ERG: variants seen among roughly 807,000 people sequenced by gnomAD.
ERG encodes transcriptional regulator ERG.
In ERG, 9 loss-of-function variants were observed where a neutral mutation model predicts 55.3. That is an observed-to-expected ratio of 0.16 (90% CI 0.10 to 0.28). The LOEUF is 0.28. Among genes scored for constraint, ERG ranks in the 10% least tolerant of loss-of-function variants. ERG has a pLI of 1.00. For missense variants in ERG, 434 were observed against 631.6 expected, an observed-to-expected ratio of 0.69 and a Z score of 3.35; for synonymous variants, 223 against 237.3, an observed-to-expected ratio of 0.94 and a Z score of 0.55.
chr21:38,496,260 C>A (rs2059378318), intron 1 of ERG, among the ~76,000 whole-genome samples: 1 of 152,176 alleles, frequency 6.6e-6, no homozygotes, highest in South Asian at 2.1e-4. Flanking sequence ...GCATCTGATA[C>A]CTAATCGACT....
chr21:38,613,137 A>G (rs560527930), intron 1 of ERG, among the ~76,000 whole-genome samples: 9,558 of 152,302 alleles, frequency 0.063, 953 homozygotes, highest in African/African-American at 0.22. Context: ...CCGCATAGGA[A>G]GAAGGTGTTC....
chr21:38,468,984 A>AAAAAAAAAAAAC (rs2059115301), intron 1 of ERG, among the ~76,000 whole-genome samples: 1 of 102,250 alleles, frequency 9.8e-6, no homozygotes, highest in Non-Finnish European at 2.4e-5. Context: ...CTCTGTCTCA[A>AAAAAAAAAAAAC]AAAAAAAAAA....
chr21:38,458,956 C>G (rs759193085), intron 1 of ERG, among the ~76,000 whole-genome samples: 11 of 152,162 alleles, frequency 7.2e-5, no homozygotes, highest in Non-Finnish European at 1.5e-4. Flanking sequence ...ATACTGTTGG[C>G]CACTCTCCCC....
At chr21:38,568,150 C>G (rs2059934577) in intron 2 of ERG, among the ~76,000 whole-genome samples, 1 of 152,060 alleles carries the variant, frequency 6.6e-6, no homozygotes, top group Non-Finnish European at 1.5e-5. Context: ...CAGTATCTCC[C>G]CTTCCACTGC....
At position 38,380,373 on chromosome 21, in the gene ERG, G is replaced by A. The variant is rs774380472; in HGVS notation, c.*3030C>T. Reference sequence around the variant, plus strand: ...CAGCAGTCCTGACAAAGCACTTTGTGAACCCCTCCGGGACATAAGGGCATC... The same window carrying A: ...CAGCAGTCCTGACAAAGCACTTTGTAAACCCCTCCGGGACATAAGGGCATC... On this transcript the variant is annotated 3_prime_UTR_variant, in exon 10 of 10. Transcript: ENST00000288319. 140 of 1,060,872 alleles carry A rather than the reference G, an allele frequency of 1.3e-4. No individual in the cohort carries two copies. Among genetic ancestry groups the A allele is most frequent in the Non-Finnish European group, 1.5e-4 (133 of 876,636 alleles). The allele number at this position is 1,060,872 out of a possible 1,614,324, so 65.7% of individuals were successfully genotyped here.
At chr21:38,412,061 A>C (rs1182162273) in intron 3 of ERG, among the ~76,000 whole-genome samples, 2 of 151,962 alleles carry the variant, frequency 1.3e-5, no homozygotes, top group East Asian at 3.9e-4. Flanking sequence ...TATTCTGTCA[A>C]CTCTCAATCT....
intron 2 of ERG, among the ~76,000 whole-genome samples, chr21:38,555,095 G>A (rs1333277631): frequency 1.3e-5 from 2 of 152,142 alleles, no homozygotes; most frequent in Non-Finnish European, 2.9e-5. Flanking sequence ...GGGATGCTGA[G>A]GCGGGCGGAT....
chr21:38,411,596 C>A (rs1256663328), intron 3 of ERG, among the ~76,000 whole-genome samples: 1 of 152,232 alleles, frequency 6.6e-6, no homozygotes. Flanking sequence ...GCGTGAGCCA[C>A]CATGCCCAGC....
chr21:38,371,089 T>C, the ERG span, among the ~76,000 whole-genome samples: 7 of 152,128 alleles, frequency 4.6e-5, no homozygotes, highest in African/African-American at 1.7e-4. Context: ...TTAATGTTTT[T>C]AAATGAAGGT....
intron 2 of ERG, among the ~76,000 whole-genome samples, chr21:38,551,176 T>G (rs996700434): frequency 6.6e-6 from 1 of 152,034 alleles, no homozygotes; most frequent in African/African-American, 2.4e-5. Flanking sequence ...TTTATTTCTG[T>G]GGGTTCAGTG....
intron 1 of ERG, among the ~76,000 whole-genome samples, chr21:38,483,036 G>A (rs759936397): frequency 6.6e-6 from 1 of 152,152 alleles, no homozygotes; most frequent in Non-Finnish European, 1.5e-5. Flanking sequence ...TCTGGAGGAC[G>A]TTATGCTAAG....
chr21:38,587,710 A>C (rs1262399327), upstream of ERG, among the ~76,000 whole-genome samples: 1 of 152,224 alleles, frequency 6.6e-6, no homozygotes, highest in Non-Finnish European at 1.5e-5. Flanking sequence ...GCCAATATTG[A>C]CTATTGCTTG....
intron 1 of ERG, among the ~76,000 whole-genome samples, chr21:38,583,618 G>A (rs907371662): frequency 1.5e-4 from 23 of 152,198 alleles, no homozygotes; most frequent in Admixed American, 2.6e-4. Context: ...ATGCACTGGA[G>A]TACTAACCCC....
intron 7 of ERG, 119 bp downstream of exon 7, chr21:38,392,257 A>G: frequency 2.3e-6 from 2 of 860,504 alleles, no homozygotes; most frequent in Non-Finnish European, 3.9e-6. Flanking sequence ...TCGTCAATGG[A>G]ACAAACCCAT....
At chr21:38,573,586 G>C (rs755382487) in intron 2 of ERG, among the ~76,000 whole-genome samples, 1 of 152,202 alleles carries the variant, frequency 6.6e-6, no homozygotes. Context: ...ACCTTCCCTT[G>C]AACTTAATTA....
At position 38,436,316 on chromosome 21, in the gene ERG, C is replaced by T. The variant is rs534995866; in HGVS notation, c.236+9088G>A. Among the ~76,000 whole-genome samples the T allele has an allele frequency of 4.6e-5, 7 of 152,258 alleles. No individual in the cohort carries two copies. The South Asian group carries it at 1.5e-3, about 32-fold the overall frequency. ...TAATGTAAAGGTGAGTGCAGGTGAACTGACCTGATGTGATAAAGTAAGATA... is the reference window on the plus strand; with the variant it reads ...TAATGTAAAGGTGAGTGCAGGTGAATTGACCTGATGTGATAAAGTAAGATA... On this transcript the variant is annotated intron_variant, in intron 2 of 9. Coordinates refer to ENST00000288319, the MANE Select transcript of ERG (RefSeq NM_182918.4).
At chr21:38,647,370 C>G (rs2060463493) in intron 1 of ERG, among the ~76,000 whole-genome samples, 1 of 152,164 alleles carries the variant, frequency 6.6e-6, no homozygotes, top group African/African-American at 2.4e-5. Flanking sequence ...TTAAGCCATG[C>G]ATCCTCAAGG....
chr21:38,384,925 C>T (rs969053382), intron 9 of ERG, among the ~76,000 whole-genome samples: 3 of 151,924 alleles, frequency 2.0e-5, no homozygotes, highest in Admixed American at 2.0e-4. Context: ...CAGTGCCTTG[C>T]CTGTGTGCTG....
chr21:38,393,954 T>A (rs183369965), intron 6 of ERG, among the ~76,000 whole-genome samples: 16 of 152,342 alleles, frequency 1.1e-4, no homozygotes, highest in Admixed American at 9.8e-4. Context: ...GGGTTACACA[T>A]AGGAATTATA....
Sources: gnomAD v4.1 joint callset for allele counts (sites outside exome capture counted in the v4.1 genomes callset) on GRCh38, gnomAD v4.1.1 for gene constraint, MANE v1.5 for transcripts, NCBI Gene and HGNC (gene_info 2026-07-23, HGNC 2026-07-21) for gene names.